The following SGCZ variants were observed in gnomAD, a reference collection of about 807,000 sequenced individuals.
SGCZ encodes sarcoglycan zeta.
Under a neutral mutation model 41.3 loss-of-function variants are expected in SGCZ, and 40 were observed. The observed-to-expected ratio is 0.97, with a 90% confidence interval of 0.75 to 1.26. The LOEUF (loss-of-function observed/expected upper bound fraction) is 1.26, where lower values mean the gene tolerates loss of function less well. Ranked by LOEUF, SGCZ falls within the 50% of genes most tolerant of loss-of-function variation. The probability of loss-of-function intolerance (pLI) is 0.00; values close to 1 mark genes in which losing one functional copy is unlikely to be tolerated. For missense variants in SGCZ, 552 were observed against 369.8 expected (o/e 1.49, Z -4.04); for synonymous variants, 206 against 137.5 (o/e 1.50, Z -3.49).
intron 3 of SGCZ, among the ~76,000 whole-genome samples, chr8:14,268,142 A>G (rs1799939475): frequency 6.6e-6 from 1 of 150,446 alleles, no homozygotes; most frequent in Non-Finnish European, 1.5e-5. Flanking sequence ...GTTTAATGAT[A>G]AAATATAGTG....
At chr8:14,151,549 A>T (rs1242222531) in intron 5 of SGCZ, among the ~76,000 whole-genome samples, 1 of 152,132 alleles carries the variant, frequency 6.6e-6, no homozygotes, top group African/African-American at 2.4e-5. Flanking sequence ...CAATTAAAGC[A>T]AGAGTATTAT....
chr8:14,641,392 A>G (rs76239858), intron 1 of SGCZ, among the ~76,000 whole-genome samples: 16,292 of 151,688 alleles, frequency 0.11, 1,046 homozygotes, highest in African/African-American at 0.19. Context: ...ATGTTTGTAG[A>G]AAAAATCGTA....
chr8:14,919,895 G>A (rs1563363564), intron 1 of SGCZ, among the ~76,000 whole-genome samples: 1 of 152,144 alleles, frequency 6.6e-6, no homozygotes, highest in Non-Finnish European at 1.5e-5. Context: ...TCCAGCCTGG[G>A]TAACAGAGTG....
intron 1 of SGCZ, among the ~76,000 whole-genome samples, chr8:14,779,580 A>C (rs1302644177): frequency 6.6e-6 from 1 of 152,262 alleles, no homozygotes; most frequent in Non-Finnish European, 1.5e-5. Context: ...TTTGTTAAGC[A>C]GAAATAGATA....
At position 14,391,250 on chromosome 8, in the gene SGCZ, T is replaced by G. The variant is rs112951458; in HGVS notation, c.235-67046A>C. On this transcript the variant is annotated intron_variant, in intron 2 of 7. Transcript: ENST00000382080. ...ATCAATGAAAACATTTATTCCCAAA[T>G]AGGTTCAGTCTTCTGACAGTTAAAA... 4.6e-5 allele frequency among the ~76,000 whole-genome samples: 7 copies of G among 152,254 alleles called. 1 individual carries two copies. Among genetic ancestry groups the G allele is most frequent in the African/African-American group, 1.7e-4 (7 of 41,560 alleles).
intron 1 of SGCZ, among the ~76,000 whole-genome samples, chr8:14,640,672 GTA>G (rs1554471242): frequency 8.8e-6 from 1 of 113,678 alleles, no homozygotes. Context: ...GTGTGTGTGT[GTA>G]TATATTTGCT....
chr8:14,256,582 G>T (rs1356417370), intron 3 of SGCZ, among the ~76,000 whole-genome samples: 1 of 151,974 alleles, frequency 6.6e-6, no homozygotes, highest in Non-Finnish European at 1.5e-5. Flanking sequence ...CTCCCTGAAG[G>T]TTTAAACCCT....
intron 1 of SGCZ, among the ~76,000 whole-genome samples, chr8:15,170,685 G>A (rs544970401): frequency 1.8e-3 from 277 of 152,250 alleles, no homozygotes; most frequent in Non-Finnish European, 3.2e-3. Flanking sequence ...ATAGAAAAGT[G>A]TTTTATGCAG....
intron 4 of SGCZ, among the ~76,000 whole-genome samples, chr8:14,183,851 G>A (rs538292523): frequency 9.2e-5 from 14 of 152,200 alleles, no homozygotes; most frequent in Admixed American, 2.0e-4. Context: ...TAAAAGTATT[G>A]AATATGTTAT....
At chr8:15,073,376 A>G (rs1245093451) in intron 1 of SGCZ, among the ~76,000 whole-genome samples, 1 of 152,118 alleles carries the variant, frequency 6.6e-6, no homozygotes, top group East Asian at 1.9e-4. Flanking sequence ...TGGGGGAGAG[A>G]GAGAATGAAT....
At chr8:14,624,519 G>C (rs1000347153) in intron 1 of SGCZ, among the ~76,000 whole-genome samples, 2 of 140,422 alleles carry the variant, frequency 1.4e-5, no homozygotes, top group Admixed American at 1.5e-4. Context: ...GAATTGTAAA[G>C]AAACATAAAT....
rs11994491 is a variant in SGCZ at position 14,688,792 on chromosome 8, G to C, written c.40-133866C>G. The stretch of plus-strand genomic sequence containing the variant: ...ATCAGGCAGGAGAAGGAAATAAAGG[G>C]TATTCAATTAGGAAAAGAGGAAGTC... On this transcript the variant is annotated intron_variant, in intron 1 of 7. Coordinates refer to ENST00000382080, the MANE Select transcript of SGCZ (RefSeq NM_139167.4). 1.3e-3 allele frequency among the ~76,000 whole-genome samples: 198 copies of C among 152,192 alleles called. 4 individuals are homozygous for C. The highest frequency in any genetic ancestry group is 4.6e-3 in the African/African-American group (190 of 41,558).
chr8:14,683,459 C>T (rs1458347007), intron 1 of SGCZ, among the ~76,000 whole-genome samples: 1 of 151,640 alleles, frequency 6.6e-6, no homozygotes, highest in Admixed American at 6.6e-5. Flanking sequence ...AGATATTTAC[C>T]CTAAGAAATA....
chr8:14,800,662 T>C (rs1180519245), intron 1 of SGCZ, among the ~76,000 whole-genome samples: 3 of 152,166 alleles, frequency 2.0e-5, no homozygotes, highest in Non-Finnish European at 4.4e-5. Flanking sequence ...CCTTCTGCCA[T>C]GTAAGACGTG....
At chr8:15,066,947 G>C (rs1169800425) in intron 1 of SGCZ, among the ~76,000 whole-genome samples, 1 of 152,138 alleles carries the variant, frequency 6.6e-6, no homozygotes, top group African/African-American at 2.4e-5. Flanking sequence ...CATATCATCT[G>C]TATTCACTGA....
At chr8:14,458,361 C>T (rs1165657269) in intron 2 of SGCZ, among the ~76,000 whole-genome samples, 5 of 152,040 alleles carry the variant, frequency 3.3e-5, no homozygotes, top group Non-Finnish European at 7.4e-5. Context: ...CAAAAATGAC[C>T]GTAAACAAAT....
chr8:14,659,033 A>G (rs1372290079), intron 1 of SGCZ, among the ~76,000 whole-genome samples: 1 of 152,170 alleles, frequency 6.6e-6, no homozygotes, highest in African/African-American at 2.4e-5. Flanking sequence ...AAAAACTATG[A>G]GCTCAATCTT....
chr8:14,112,665 A>AATT (rs1283133072), intron 5 of SGCZ, among the ~76,000 whole-genome samples: 1 of 152,022 alleles, frequency 6.6e-6, no homozygotes, highest in Non-Finnish European at 1.5e-5. Flanking sequence ...GTTTACTTAT[A>AATT]ATTTGTTTTT....
chr8:14,971,022 G>C (rs1438322706), intron 1 of SGCZ, among the ~76,000 whole-genome samples: 1 of 151,970 alleles, frequency 6.6e-6, no homozygotes, highest in Non-Finnish European at 1.5e-5. Flanking sequence ...TTTGTCTCTA[G>C]GACATATTTT....
Sources: gnomAD v4.1 joint callset for allele counts (sites outside exome capture counted in the v4.1 genomes callset) on GRCh38, gnomAD v4.1.1 for gene constraint, MANE v1.5 for transcripts, NCBI Gene and HGNC (gene_info 2026-07-23, HGNC 2026-07-21) for gene names.